DNAJC5B: variants seen among roughly 807,000 people sequenced by gnomAD.
The protein encoded by DNAJC5B is DnaJ heat shock protein family (Hsp40) member C5 beta.
In DNAJC5B, 23 loss-of-function variants were observed where a neutral mutation model predicts 24.7. The observed-to-expected ratio is 0.93, with a 90% CI of 0.67 to 1.32. DNAJC5B has a LOEUF of 1.32. DNAJC5B is among the 40% of genes most tolerant of loss of function. The pLI is 0.00. For synonymous variants in DNAJC5B, 101 were observed against 90.1 expected, an observed-to-expected ratio of 1.12 and a Z score of -0.68; for missense variants, 238 against 240.8, an observed-to-expected ratio of 0.99 and a Z score of 0.08.
intron 1 of DNAJC5B, among the ~76,000 whole-genome samples, chr8:66,036,614 AT>A (rs1473675439): frequency 1.3e-5 from 2 of 152,078 alleles, no homozygotes; most frequent in Non-Finnish European, 2.9e-5. Flanking sequence ...ATCAAGGTTG[AT>A]TTGGGGTGAG....
chr8:66,082,443 G>A (rs1347662668), intron 5 of DNAJC5B, among the ~76,000 whole-genome samples: 1 of 152,042 alleles, frequency 6.6e-6, no homozygotes, highest in East Asian at 1.9e-4. Flanking sequence ...CCTTCTTTGT[G>A]GAAGATTTCT....
chr8:66,086,971 T>G (rs1196595197), intron 5 of DNAJC5B, among the ~76,000 whole-genome samples: 2 of 152,180 alleles, frequency 1.3e-5, no homozygotes, highest in Non-Finnish European at 2.9e-5. Flanking sequence ...TATACCTTAC[T>G]ATACTAAAAA....
rs1020934221 is a variant in DNAJC5B, at chr8:66,080,549, G to A, written c.505+1G>A. The A allele has an allele frequency of 6.2e-7, 1 of 1,602,942 alleles. No individual in the cohort carries two copies. The highest frequency in any genetic ancestry group is 8.5e-7 in the Non-Finnish European group (1 of 1,174,462). On this transcript the variant is annotated splice_donor_variant, in intron 5 of 5. Coordinates refer to ENST00000276570, the MANE Select transcript of DNAJC5B (RefSeq NM_033105.6). LOFTEE classifies it high-confidence loss of function. The stretch of plus-strand genomic sequence containing the variant: ...CAGATCAAGTCTGACATGGAAAAAG[G>A]TGGGGTAGGATGAGAGCAGAGGTAG...
rs141686243 is a variant in DNAJC5B, at chr8:66,051,611, G to A, written c.64G>A (p.Glu22Lys). Residue 22 changes from glutamate to lysine, a missense_variant, in exon 3 of 6, where the codon GAA (glutamate) becomes AAA (lysine). Physicochemically the swap from Glu to Lys is moderately conservative, Grantham distance 56. Coordinates refer to ENST00000276570, the MANE Select transcript of DNAJC5B (RefSeq NM_033105.6). ...GTCAACAACAGGAGAAGCTCTATAC[G>A]AAATTCTTGGTCTGCATAAGGGAGC... ...TLSTTGEALY[E>K]ILGLHKGASN... The A allele has an allele frequency of 2.1e-5, 34 of 1,614,066 alleles. No homozygotes were observed. The highest frequency in any genetic ancestry group is 8.9e-5 in the East Asian group (4 of 44,874).
At chr8:66,086,531 A>T (rs985694266) in intron 5 of DNAJC5B, among the ~76,000 whole-genome samples, 8 of 152,190 alleles carry the variant, frequency 5.3e-5, no homozygotes, top group African/African-American at 1.9e-4. Flanking sequence ...CATTTACATT[A>T]AAAAATCTAC....
chr8:66,015,302 T>A, the DNAJC5B span, among the ~76,000 whole-genome samples: 1 of 152,106 alleles, frequency 6.6e-6, no homozygotes. Context: ...TGAAGGGAAA[T>A]GATTAAGTAT....
rs557439976 is a variant in DNAJC5B at position 66,049,473 on chromosome 8, G to A, written c.-17-2058G>A. On this transcript the variant is annotated intron_variant, in intron 2 of 5. Transcript: ENST00000276570. Reference sequence around the variant, plus strand: ...TTCTGTGTTTAGGTGTTAAAAAGTCGCCTACAATACTCAGTACAGTAACAC... The same window carrying A: ...TTCTGTGTTTAGGTGTTAAAAAGTCACCTACAATACTCAGTACAGTAACAC... 2.0e-4 allele frequency among the ~76,000 whole-genome samples: 30 copies of A among 152,206 alleles called. No homozygotes were observed. The South Asian group carries it at 2.5e-3, about 13-fold the overall frequency.
At chr8:66,068,353 G>A (rs1473901849) in intron 3 of DNAJC5B, among the ~76,000 whole-genome samples, 2 of 151,798 alleles carry the variant, frequency 1.3e-5, no homozygotes, top group Non-Finnish European at 2.9e-5. Context: ...ATTATGGAAA[G>A]GGATATTTCA....
At chr8:66,069,604 A>T (rs2128962651) in intron 3 of DNAJC5B, among the ~76,000 whole-genome samples, 1 of 152,342 alleles carries the variant, frequency 6.6e-6, no homozygotes, top group South Asian at 2.1e-4. Flanking sequence ...GACCAGATGG[A>T]TTCACAGCCA....
At chr8:66,053,429 C>CA (rs566705009) in intron 3 of DNAJC5B, among the ~76,000 whole-genome samples, 5 of 149,178 alleles carry the variant, frequency 3.4e-5, no homozygotes, top group African/African-American at 4.9e-5. Flanking sequence ...TTCCAACTTG[C>CA]AAAAAAAAAT....
upstream of DNAJC5B, among the ~76,000 whole-genome samples, chr8:66,021,369 G>A (rs933732824): frequency 2.6e-5 from 4 of 152,186 alleles, no homozygotes; most frequent in African/African-American, 4.8e-5. Context: ...GCCCTCACAA[G>A]GTTTTGAATG....
At chr8:66,054,930 T>C (rs1806932239) in intron 3 of DNAJC5B, among the ~76,000 whole-genome samples, 1 of 152,174 alleles carries the variant, frequency 6.6e-6, no homozygotes, top group African/African-American at 2.4e-5. Context: ...AGTTAATTTT[T>C]GTAATATCTA....
chr8:66,079,641 A>T (rs772462487), intron 4 of DNAJC5B, among the ~76,000 whole-genome samples: 48 of 152,226 alleles, frequency 3.2e-4, no homozygotes, highest in Non-Finnish European at 1.9e-4. Flanking sequence ...GCAGAGCCAG[A>T]TCACCATAAT....
At chr8:66,020,603 TGTGTGTGTGTGTGTG>T (rs1806089701), upstream of DNAJC5B, among the ~76,000 whole-genome samples, 1 of 36,752 alleles carries the variant, frequency 2.7e-5, no homozygotes, top group Non-Finnish European at 4.7e-5. Flanking sequence ...TCTGTGTGTG[TGTGTGTGTGTGTGTG>T]TGTGTGTGTG....
intron 1 of DNAJC5B, among the ~76,000 whole-genome samples, chr8:66,028,698 G>A (rs530287347): frequency 2.6e-5 from 4 of 152,102 alleles, no homozygotes; most frequent in East Asian, 1.9e-4. Flanking sequence ...CATCTTTCCC[G>A]AACCCATCAC....
intron 1 of DNAJC5B, among the ~76,000 whole-genome samples, chr8:66,022,734 T>C (rs1037688171): frequency 6.6e-6 from 1 of 152,226 alleles, no homozygotes; most frequent in Non-Finnish European, 1.5e-5. Context: ...CCCCAAAGCA[T>C]GTAAAACTGA....
At chr8:66,055,170 G>C (rs1403398149) in intron 3 of DNAJC5B, among the ~76,000 whole-genome samples, 1 of 152,076 alleles carries the variant, frequency 6.6e-6, no homozygotes, top group Admixed American at 6.5e-5. Flanking sequence ...TATTAATTTT[G>C]TTTTAATGTC....
intron 3 of DNAJC5B, among the ~76,000 whole-genome samples, chr8:66,061,507 T>C (rs1376033373): frequency 6.6e-6 from 1 of 151,832 alleles, no homozygotes; most frequent in Non-Finnish European, 1.5e-5. Context: ...CCATACATAA[T>C]GGCAGTTTCC....
intron 1 of DNAJC5B, among the ~76,000 whole-genome samples, chr8:66,041,340 A>T (rs534527646): frequency 6.6e-6 from 1 of 152,316 alleles, no homozygotes; most frequent in African/African-American, 2.4e-5. Context: ...CCTAATGCTT[A>T]TGTGTTAGAT....
Sources: gnomAD v4.1 joint callset for allele counts (sites outside exome capture counted in the v4.1 genomes callset) on GRCh38, gnomAD v4.1.1 for gene constraint, MANE v1.5 for transcripts, NCBI Gene and HGNC (gene_info 2026-07-23, HGNC 2026-07-21) for gene names.